Variants in CFAP96 observed in about 807,000 individuals in gnomAD.
CFAP96 encodes cilia and flagella associated protein 96.
the CFAP96 span, among the ~76,000 whole-genome samples, chr4:185,443,600 C>T: frequency 6.6e-6 from 1 of 150,966 alleles, no homozygotes; most frequent in Non-Finnish European, 1.5e-5. Flanking sequence ...CCACCTGATT[C>T]GGCCTCCCAA....
At chr4:185,418,203 A>AT in the CFAP96 span, among the ~76,000 whole-genome samples, 6 of 152,196 alleles carry the variant, frequency 3.9e-5, no homozygotes, top group African/African-American at 1.4e-4. Context: ...AGGCTGTTTT[A>AT]TTTTTGTGGG....
At chr4:185,441,212 TAATTAA>T in the CFAP96 span, among the ~76,000 whole-genome samples, 3 of 152,208 alleles carry the variant, frequency 2.0e-5, no homozygotes, top group Admixed American at 2.0e-4. Flanking sequence ...TTTGAAATGG[TAATTAA>T]AATTAACTAT....
At chr4:185,410,300 C>G in the CFAP96 span, among the ~76,000 whole-genome samples, 2 of 151,894 alleles carry the variant, frequency 1.3e-5, no homozygotes, top group Admixed American at 6.6e-5. Context: ...CAAATTAAAC[C>G]TATAAGATAC....
At chr4:185,418,457 T>C in the CFAP96 span, 45 of 1,608,644 alleles carry the variant, frequency 2.8e-5, no homozygotes, top group African/African-American at 4.9e-4. Context: ...TGATAACTTT[T>C]TGTCCTTCTT....
chr4:185,417,398 A>G, the CFAP96 span, among the ~76,000 whole-genome samples: 1 of 152,350 alleles, frequency 6.6e-6, no homozygotes, highest in South Asian at 2.1e-4. Context: ...GAGGTCTTAA[A>G]CATGGCCCAA....
At chr4:185,419,683 G>A in the CFAP96 span, among the ~76,000 whole-genome samples, 1 of 152,184 alleles carries the variant, frequency 6.6e-6, no homozygotes, top group African/African-American at 2.4e-5. Flanking sequence ...ACATTACATG[G>A]CTTTTTGTGT....
the CFAP96 span, among the ~76,000 whole-genome samples, chr4:185,427,209 A>G: frequency 6.6e-6 from 1 of 152,240 alleles, no homozygotes; most frequent in Non-Finnish European, 1.5e-5. Context: ...AACCTGTCTC[A>G]GCTCCTGCCC....
At chr4:185,442,766 A>G in the CFAP96 span, among the ~76,000 whole-genome samples, 1 of 152,162 alleles carries the variant, frequency 6.6e-6, no homozygotes, top group Non-Finnish European at 1.5e-5. Flanking sequence ...AATTTTATTG[A>G]ATATACGCTG....
chr4:185,423,447 T>C, the CFAP96 span, among the ~76,000 whole-genome samples: 1 of 152,200 alleles, frequency 6.6e-6, no homozygotes, highest in African/African-American at 2.4e-5. Flanking sequence ...TTTATATTCA[T>C]AGGCTTGATC....
chr4:185,438,003 CTTT>C, the CFAP96 span, among the ~76,000 whole-genome samples: 1 of 150,944 alleles, frequency 6.6e-6, no homozygotes. Flanking sequence ...CCTCTGGCCA[CTTT>C]TTTTTTCTTT....
the CFAP96 span, among the ~76,000 whole-genome samples, chr4:185,448,517 C>G: frequency 6.6e-6 from 1 of 152,036 alleles, no homozygotes; most frequent in African/African-American, 2.4e-5. Flanking sequence ...TCTGAATTAA[C>G]AAAAACTGAT....
the CFAP96 span, among the ~76,000 whole-genome samples, chr4:185,421,202 T>G: frequency 6.6e-6 from 1 of 152,192 alleles, no homozygotes; most frequent in Non-Finnish European, 1.5e-5. Flanking sequence ...GGACCAAAAC[T>G]GAGAACAATT....
chr4:185,408,445 G>C, the CFAP96 span: 1 of 1,610,650 alleles, frequency 6.2e-7, no homozygotes, highest in South Asian at 1.1e-5. Context: ...TCTATATACA[G>C]AGAAGAAACA....
chr4:185,439,848 TATAAA>T, the CFAP96 span, among the ~76,000 whole-genome samples: 3 of 148,196 alleles, frequency 2.0e-5, no homozygotes, highest in African/African-American at 7.4e-5. Context: ...CATATATACA[TATAAA>T]ATGTTTTTTT....
chr4:185,449,509 C>G, the CFAP96 span: 1 of 810,552 alleles, frequency 1.2e-6, no homozygotes, highest in South Asian at 1.8e-5. Context: ...GGCAACAGAG[C>G]GAGACCCGGT....
At chr4:185,429,815 A>G in the CFAP96 span, among the ~76,000 whole-genome samples, 15 of 151,950 alleles carry the variant, frequency 9.9e-5, no homozygotes, top group African/African-American at 3.6e-4. Flanking sequence ...GGCACACACT[A>G]CCATGCCCAG....
chr4:185,415,401 A>G, the CFAP96 span: 1 of 1,397,630 alleles, frequency 7.2e-7, no homozygotes, highest in South Asian at 1.5e-5. Flanking sequence ...ACTACAATAA[A>G]GAAAAGTACA....
the CFAP96 span, chr4:185,426,258 G>T: frequency 9.4e-6 from 2 of 213,694 alleles, no homozygotes; most frequent in Admixed American, 5.3e-5. Context: ...ACGTGCAGAG[G>T]CGCTGCGCAG....
the CFAP96 span, among the ~76,000 whole-genome samples, chr4:185,431,165 G>A: frequency 6.3e-4 from 94 of 148,790 alleles, no homozygotes; most frequent in African/African-American, 2.1e-3. Context: ...AGCTGAGATC[G>A]TGCCACTGCA....
Sources: allele counts gnomAD v4.1 joint callset (sites outside exome capture counted in the v4.1 genomes callset), GRCh38; gene constraint gnomAD v4.1.1; transcripts MANE v1.5; gene names NCBI Gene and HGNC (gene_info 2026-07-23, HGNC 2026-07-21).